Variants in HEATR5A observed in about 807,000 individuals in gnomAD.
The protein encoded by HEATR5A is HEAT repeat containing 5A.
In HEATR5A, 178 loss-of-function variants were observed where a neutral mutation model predicts 218.8. The observed-to-expected ratio is 0.81, with a 90% CI of 0.72 to 0.92. HEATR5A has a LOEUF of 0.92. Ranked by LOEUF, HEATR5A falls within the 40% of genes least tolerant of loss-of-function variation. The pLI is 0.00. For synonymous variants in HEATR5A, 864 were observed against 871.6 expected, an observed-to-expected ratio of 0.99 and a Z score of 0.15; for missense variants, 2,420 against 2,418.9, an observed-to-expected ratio of 1.00 and a Z score of -0.01.
chr14:31,367,933 G>T (rs1466898352), intron 13 of HEATR5A, among the ~76,000 whole-genome samples: 1 of 152,018 alleles, frequency 6.6e-6, no homozygotes, highest in Non-Finnish European at 1.5e-5. Context: ...ATTGAAGGAA[G>T]TATGGATTTT....
intron 21 of HEATR5A, among the ~76,000 whole-genome samples, chr14:31,339,140 C>CATAT (rs910212841): frequency 6.8e-6 from 1 of 146,520 alleles, no homozygotes; most frequent in Non-Finnish European, 1.5e-5. Context: ...AAAACAAAAA[C>CATAT]ATATATATAT....
rs754826955 is a variant in HEATR5A, at chr14:31,388,907, T to C, written c.871A>G (p.Ser291Gly). ...CTGGTTCCTTTCAGCATATCTCCAC[T>C]GGCTCGAAGGAATCCTGAACTCCCA... Reference protein sequence around the residue: ...LRGSSGFLRASGDMLKGTSSV... With the variant: ...LRGSSGFLRAGGDMLKGTSSV... The change falls in exon 7 of 36, where the codon AGT (serine) becomes GGT (glycine). Residue 291 changes from serine (S) to glycine (G), a missense_variant. Ser to Gly is a moderately conservative substitution (Grantham distance 56). Transcript: ENST00000543095. 1 of 1,613,876 alleles carries C rather than the reference T, an allele frequency of 6.2e-7. No homozygotes were observed. Among genetic ancestry groups the C allele is most frequent in the Non-Finnish European group, 8.5e-7 (1 of 1,179,772 alleles).
Position 31,307,887 on chromosome 14 carries a change from A to C in HEATR5A, c.4818+6T>G. 1 of 1,607,844 alleles carries C rather than the reference A, an allele frequency of 6.2e-7. No individual in the cohort carries two copies. Among genetic ancestry groups the C allele is most frequent in the Non-Finnish European group, 8.5e-7 (1 of 1,178,472 alleles). On this transcript the variant is annotated splice_donor_region_variant and intron_variant, in intron 30 of 35. Transcript: ENST00000543095. ...AGCCTTACAAAAAAAACCCCAGATA[A>C]ATCACCTGATCACTGCCAATTTTTG...
chr14:31,410,307 AC>A (rs2031229620), intron 1 of HEATR5A, among the ~76,000 whole-genome samples: 1 of 152,140 alleles, frequency 6.6e-6, no homozygotes, highest in Admixed American at 6.5e-5. Flanking sequence ...AACAAAAAAA[AC>A]CCCAACTGTC....
Position 31,321,674 on chromosome 14 carries a change from A to C in HEATR5A, c.3794T>G (p.Phe1265Cys). ...EMKKRDSRND[F>C]LVLHLADLIR... Reference sequence around the variant, plus strand: ...TAAGTCAGCAAGATGCAGTACCAAAAAGTCATCTATAAGATTAAAAAACAT... The same window carrying C: ...TAAGTCAGCAAGATGCAGTACCAAACAGTCATCTATAAGATTAAAAAACAT... The change falls in exon 25 of 36, where the codon TTT becomes TGT. Residue 1265 changes from phenylalanine (F) to cysteine (C), a missense_variant. Transcript: ENST00000543095. The C allele has an allele frequency of 6.3e-7, 1 of 1,586,656 alleles. No individual in the cohort carries two copies. The highest frequency in any genetic ancestry group is 8.6e-7 in the Non-Finnish European group (1 of 1,168,256).
At chr14:31,376,968 T>A (rs1043699525) in intron 11 of HEATR5A, among the ~76,000 whole-genome samples, 1 of 151,510 alleles carries the variant, frequency 6.6e-6, no homozygotes, top group Non-Finnish European at 1.5e-5. Context: ...ACAAAAAAAA[T>A]TTAAAAATTA....
chr14:31,418,891 C>A (rs1566788976), intron 1 of HEATR5A, among the ~76,000 whole-genome samples: 1 of 151,824 alleles, frequency 6.6e-6, no homozygotes, highest in African/African-American at 2.4e-5. Context: ...TGAAACAAAG[C>A]AAGAAGAAAG....
chr14:31,358,943 AT>A lies in HEATR5A; in HGVS notation c.2185del (p.Ile729TyrfsTer2), dbSNP rs1226754616. ...AGTCTCTTGTAGGAAAGGACTTAGT[AT>A]CAAAAGATCATCCTGATGACAGAGG... is the stretch of plus-strand genomic sequence containing the variant. ...PPLCHQDDLL[I>X]LSPFLQETDH... On this transcript the variant is annotated frameshift_variant, in exon 15 of 36. Transcript: ENST00000543095. LOFTEE classifies it high-confidence loss of function. 10 of 1,591,556 alleles carry A rather than the reference AT, an allele frequency of 6.3e-6. No homozygotes were observed. Among genetic ancestry groups the A allele is most frequent in the Non-Finnish European group, 6.8e-6 (8 of 1,174,756 alleles).
At chr14:31,325,049 G>C (rs1900220278) in intron 23 of HEATR5A, among the ~76,000 whole-genome samples, 1 of 152,126 alleles carries the variant, frequency 6.6e-6, no homozygotes, top group Non-Finnish European at 1.5e-5. Flanking sequence ...GAAGGCTTGT[G>C]GATTTTAAAA....
At chr14:31,301,261 T>C (rs373975843) in intron 33 of HEATR5A, among the ~76,000 whole-genome samples, 1 of 152,098 alleles carries the variant, frequency 6.6e-6, no homozygotes, top group African/African-American at 2.4e-5. Flanking sequence ...TTTTTTTGTT[T>C]GTTTGTTTTT....
chr14:31,359,058 C>T lies in HEATR5A; in HGVS notation c.2072-1G>A, dbSNP rs746425833. On this transcript the variant is annotated splice_acceptor_variant, in intron 14 of 35. Coordinates refer to ENST00000543095, the MANE Select transcript of HEATR5A (RefSeq NM_015473.4). LOFTEE classifies it high-confidence loss of function. ...TCTCTGAGGATAGCACAGAGGTTTC[C>T]TGTTGAGTCACAGAAAAAGAGCAAT... is the stretch of plus-strand genomic sequence containing the variant. 6.9e-5 allele frequency: 110 copies of T among 1,593,224 alleles called. No individual in the cohort carries two copies. The highest frequency in any genetic ancestry group is 9.3e-5 in the Non-Finnish European group (109 of 1,175,440).
intron 31 of HEATR5A, among the ~76,000 whole-genome samples, chr14:31,306,108 C>G (rs1242788930): frequency 6.6e-6 from 1 of 152,156 alleles, no homozygotes; most frequent in Non-Finnish European, 1.5e-5. Flanking sequence ...TGTTAAAATT[C>G]TCATTTCACC....
intron 22 of HEATR5A, among the ~76,000 whole-genome samples, chr14:31,336,037 T>A (rs1273915650): frequency 2.0e-5 from 3 of 149,638 alleles, no homozygotes; most frequent in African/African-American, 7.3e-5. Flanking sequence ...ATGCAGTGCA[T>A]AATAACTCAC....
chr14:31,406,437 T>A (rs892166708), intron 1 of HEATR5A, among the ~76,000 whole-genome samples: 1 of 152,240 alleles, frequency 6.6e-6, no homozygotes, highest in Non-Finnish European at 1.5e-5. Context: ...GTACTCTAAG[T>A]GCTTTACATT....
intron 12 of HEATR5A, 56 bp from the exon 13 acceptor site, chr14:31,371,965 C>A (rs371380906): frequency 2.7e-6 from 2 of 739,372 alleles, no homozygotes; most frequent in East Asian, 2.9e-5. Context: ...ATGAAAGGCA[C>A]ATTTGATTAT....
chr14:31,363,507 T>C (rs1901698249), intron 14 of HEATR5A, among the ~76,000 whole-genome samples: 2 of 152,156 alleles, frequency 1.3e-5, no homozygotes, highest in Admixed American at 6.6e-5. Context: ...CAAACTTATG[T>C]TTCAATCCTG....
rs764704524 is a variant in HEATR5A, at chr14:31,383,515, C to A, written c.1596+6G>T. 4 of 1,607,738 alleles carry A rather than the reference C, an allele frequency of 2.5e-6. No homozygotes were observed. The South Asian group carries it at 4.4e-5, about 18-fold the overall frequency. ...CATTATCATACATAGAGAATGAAATCATTACCTTGCCTTTTCCATGAGGAA... is the reference window on the plus strand; with the variant it reads ...CATTATCATACATAGAGAATGAAATAATTACCTTGCCTTTTCCATGAGGAA... On this transcript the variant is annotated splice_donor_region_variant and intron_variant, in intron 10 of 35. Transcript: ENST00000543095.
chr14:31,326,083 G>C (rs1900257184), intron 23 of HEATR5A, 80 bp downstream of exon 23: 2 of 1,048,816 alleles, frequency 1.9e-6, no homozygotes, highest in Non-Finnish European at 2.9e-6. Flanking sequence ...CAAGACTGAT[G>C]AATTCTCAGT....
At chr14:31,417,387 T>C (rs2031487055) in intron 1 of HEATR5A, among the ~76,000 whole-genome samples, 2 of 151,918 alleles carry the variant, frequency 1.3e-5, no homozygotes, top group Admixed American at 6.6e-5. Context: ...GGTGAAACCC[T>C]ATCTCTACTA....
Sources: gnomAD v4.1 joint callset for allele counts (sites outside exome capture counted in the v4.1 genomes callset) on GRCh38, gnomAD v4.1.1 for gene constraint, MANE v1.5 for transcripts, NCBI Gene and HGNC (gene_info 2026-07-23, HGNC 2026-07-21) for gene names.